PCDHA1: variants seen among roughly 807,000 people sequenced by gnomAD.
PCDHA1 encodes protocadherin alpha-1.
Under a neutral mutation model 61.3 loss-of-function variants are expected in PCDHA1, and 42 were observed. The observed-to-expected ratio is 0.69, with a 90% CI of 0.54 to 0.89. PCDHA1 has a LOEUF of 0.89. Among genes scored for constraint, PCDHA1 ranks in the 40% least tolerant of loss-of-function variants. The pLI is 0.00. For missense variants in PCDHA1, 1,256 were observed against 1,235.3 expected (o/e 1.02, Z -0.25); for synonymous variants, 610 against 553.8 (o/e 1.10, Z -1.43).
chr5:140,864,251 T>C (rs2048389187), intron 1 of PCDHA1: 1 of 152,248 alleles, frequency 6.6e-6, no homozygotes, highest in South Asian at 2.1e-4. Context: ...TTCATTTTCT[T>C]ATTCTGATTT....
intron 1 of PCDHA1, among the ~76,000 whole-genome samples, chr5:140,926,128 C>CGCAGCAGGATCCAGCGCGGAAAGCTCT (rs1157627097): frequency 6.6e-6 from 1 of 152,162 alleles, no homozygotes; most frequent in Non-Finnish European, 1.5e-5. Context: ...GACTTCAACC[C>CGCAGCAGGATCCAGCGCGGAAAGCTCT]GCAGCAGGAT....
At chr5:140,952,750 A>T (rs1240610789) in intron 1 of PCDHA1, among the ~76,000 whole-genome samples, 2 of 152,326 alleles carry the variant, frequency 1.3e-5, no homozygotes, top group Non-Finnish European at 2.9e-5. Context: ...CTGCTATAAA[A>T]ACACCTGAGA....
At chr5:140,841,320 A>T in intron 1 of PCDHA1, 1 of 1,602,072 alleles carries the variant, frequency 6.2e-7, no homozygotes, top group African/African-American at 1.3e-5. Context: ...CGACTATTTA[A>T]CATGGATTAT....
At chr5:140,828,499 G>A (rs2150156076) in intron 1 of PCDHA1, 7 of 1,614,142 alleles carry the variant, frequency 4.3e-6, no homozygotes, top group Admixed American at 1.7e-5. Flanking sequence ...TCCCGGTAGA[G>A]GAACAAAGAG....
intron 1 of PCDHA1, chr5:140,864,423 CACAA>C (rs1165677153): frequency 1.8e-4 from 27 of 152,176 alleles, no homozygotes; most frequent in Non-Finnish European, 3.4e-4. Flanking sequence ...CAGCTTCGTC[CACAA>C]ACAATTTTGT....
chr5:140,937,326 C>T (rs1287239556), intron 1 of PCDHA1, among the ~76,000 whole-genome samples: 1 of 152,164 alleles, frequency 6.6e-6, no homozygotes, highest in South Asian at 2.1e-4. Context: ...CGTGAGCCAC[C>T]GCGCCCGGCT....
intron 1 of PCDHA1, chr5:140,882,750 A>G (rs781948584): frequency 1.9e-5 from 30 of 1,614,128 alleles, no homozygotes; most frequent in Non-Finnish European, 2.4e-5. Context: ...TCCGATGCAG[A>G]TATTGGAGTA....
At chr5:140,923,093 A>G (rs1372910044) in intron 1 of PCDHA1, among the ~76,000 whole-genome samples, 3 of 152,194 alleles carry the variant, frequency 2.0e-5, no homozygotes, top group Admixed American at 6.5e-5. Flanking sequence ...TATTTGACCA[A>G]TGGGAGTATG....
intron 1 of PCDHA1, chr5:140,884,288 C>T: frequency 6.2e-7 from 1 of 1,613,630 alleles, no homozygotes; most frequent in Non-Finnish European, 8.5e-7. Flanking sequence ...GGAGAGCGGC[C>T]AAGCGCCACA....
intron 1 of PCDHA1, chr5:140,843,118 C>T: frequency 6.3e-7 from 1 of 1,595,834 alleles, no homozygotes; most frequent in Non-Finnish European, 8.6e-7. Flanking sequence ...CAGTGGACGC[C>T]GACTCGGGCT....
intron 1 of PCDHA1, among the ~76,000 whole-genome samples, chr5:140,934,801 A>G (rs1470129792): frequency 1.3e-5 from 2 of 152,194 alleles, no homozygotes; most frequent in Non-Finnish European, 2.9e-5. Flanking sequence ...TATCTTTTTA[A>G]TGATCAAATT....
intron 1 of PCDHA1, chr5:140,836,034 C>T (rs2150251193): frequency 1.2e-6 from 2 of 1,613,480 alleles, no homozygotes; most frequent in Non-Finnish European, 1.7e-6. Context: ...CAACGTGACG[C>T]TGCAGGTGTT....
intron 1 of PCDHA1, among the ~76,000 whole-genome samples, chr5:140,938,765 A>G (rs1554212377): frequency 6.6e-6 from 1 of 152,182 alleles, no homozygotes; most frequent in Non-Finnish European, 1.5e-5. Context: ...GTTATTGGGT[A>G]CTAGACTTAG....
In PCDHA1 at chr5:140,843,230, C is replaced by A. The variant is rs1225755586; in HGVS notation, c.2394+54546C>A. On this transcript the variant is annotated intron_variant, in intron 1 of 3. Transcript: ENST00000504120. ...GGGCGAGATCAGCACCACTCGTGTC[C>A]TGGACGAAGCGGACTCTCCGCGCCA... 4 of 1,596,146 alleles carry A rather than the reference C, an allele frequency of 2.5e-6. 1 individual carries two copies. In the African/African-American group the frequency reaches 5.4e-5, roughly 21 times the overall value.
At chr5:140,854,861 A>G (rs1176578969) in intron 1 of PCDHA1, among the ~76,000 whole-genome samples, 2 of 149,864 alleles carry the variant, frequency 1.3e-5, no homozygotes, top group African/African-American at 4.9e-5. Flanking sequence ...TACTAGATAT[A>G]TTTCAGAACT....
rs782333249 is a variant in PCDHA1 at position 140,978,931 on chromosome 5, CTCTT to C, written c.2395-16_2395-13del. On this transcript the variant is annotated splice_polypyrimidine_tract_variant and intron_variant, in intron 1 of 3. Coordinates refer to ENST00000504120, the MANE Select transcript of PCDHA1 (RefSeq NM_018900.4). ...TGTCTTGTCATTTTAACAGAAAACTCTCTTTGTGATTTTGCAGCCACGACAGCCC... is the reference window on the plus strand; with the variant it reads ...TGTCTTGTCATTTTAACAGAAAACTCTGTGATTTTGCAGCCACGACAGCCC... 4.3e-6 allele frequency: 7 copies of C among 1,614,126 alleles called. No individual in the cohort carries two copies. The Admixed American group carries it at 6.7e-5, about 15-fold the overall frequency.
chr5:140,862,826 G>A lies in PCDHA1; in HGVS notation c.2394+74142G>A, dbSNP rs112986835. ...CTGCTGCAGTTCTAGGTGAGAGCGCGCGACGCGGGCATGCCGCCTCTGAGC... is the reference window on the plus strand; with the variant it reads ...CTGCTGCAGTTCTAGGTGAGAGCGCACGACGCGGGCATGCCGCCTCTGAGC... On this transcript the variant is annotated intron_variant, in intron 1 of 3. Coordinates refer to ENST00000504120, the MANE Select transcript of PCDHA1 (RefSeq NM_018900.4). The A allele has an allele frequency of 1.9e-3, 1,106 of 575,060 alleles. 11 individuals carry two copies. Among genetic ancestry groups the A allele is most frequent in the African/African-American group, 0.019 (990 of 53,212 alleles). The allele number at this position is 575,060 out of a possible 1,614,324, so 35.6% of individuals were successfully genotyped here.
At chr5:140,896,148 G>A (rs1185038418) in intron 1 of PCDHA1, among the ~76,000 whole-genome samples, 1 of 152,162 alleles carries the variant, frequency 6.6e-6, no homozygotes, top group Non-Finnish European at 1.5e-5. Flanking sequence ...CACCATTGAT[G>A]GGCATTTAGG....
At chr5:140,870,955 C>G (rs782342308) in intron 1 of PCDHA1, 1 of 1,613,632 alleles carries the variant, frequency 6.2e-7, no homozygotes, top group South Asian at 1.1e-5. Context: ...GGGCGGCTCG[C>G]GCATCCCGTT....
Sources: allele counts gnomAD v4.1 joint callset (sites outside exome capture counted in the v4.1 genomes callset), GRCh38; gene constraint gnomAD v4.1.1; transcripts MANE v1.5; gene names NCBI Gene and HGNC (gene_info 2026-07-23, HGNC 2026-07-21).